SHC2: variants seen among roughly 807,000 people sequenced by gnomAD.
SHC2 encodes the protein SHC adaptor protein 2, also known as SHC-transforming protein 2.
Under a neutral mutation model 60.6 loss-of-function variants are expected in SHC2, and 62 were observed. The ratio of observed to expected loss-of-function variants is 1.02; its 90% CI spans 0.83 to 1.26. The LOEUF (loss-of-function observed/expected upper bound fraction) is 1.26, where lower values mean the gene tolerates loss of function less well. SHC2 is among the 50% of genes most tolerant of loss of function. The probability of loss-of-function intolerance (pLI) is 0.00; values close to 1 mark genes in which losing one functional copy is unlikely to be tolerated. For missense variants in SHC2, 873 were observed against 822.2 expected (o/e 1.06, Z -0.76); for synonymous variants, 375 against 372.4 (o/e 1.01, Z -0.08).
intron 9 of SHC2, among the ~76,000 whole-genome samples, chr19:426,943 TAGG>T (rs1974431214): frequency 1.3e-5 from 2 of 151,736 alleles, no homozygotes; most frequent in Admixed American, 6.6e-5. Context: ...GGCACATTTG[TAGG>T]AGTTCTTGGC....
At chr19:423,745 C>A (rs907850619) in intron 10 of SHC2, among the ~76,000 whole-genome samples, 1 of 152,254 alleles carries the variant, frequency 6.6e-6, no homozygotes, top group Non-Finnish European at 1.5e-5. Flanking sequence ...TTCACCTCCC[C>A]CTCCCAGCCA....
Position 453,732 on chromosome 19 carries a change from G to A in SHC2, c.468+6797C>T, listed in dbSNP as rs964811244. Among the ~76,000 whole-genome samples the A allele has an allele frequency of 9.9e-5, 15 of 152,276 alleles. No individual in the cohort carries two copies. In the East Asian group the frequency reaches 1.5e-3, roughly 16 times the overall value. The stretch of plus-strand genomic sequence containing the variant: ...GCACCTCCCAGCTTAAGGGACCCGC[G>A]ATGCAGGAAGGATGAAGTGTCATTT... On this transcript the variant is annotated intron_variant, in intron 1 of 12. Transcript: ENST00000264554. The surrounding 1 kb of genome is among the most constrained non-coding windows in gnomAD (Gnocchi z 6.3).
In SHC2 at chr19:422,048, TGTGCCC is replaced by T. The variant is rs1194438348; in HGVS notation, c.1620+92_1620+97del. 1.5e-4 allele frequency: 77 copies of T among 505,912 alleles called. No homozygotes were observed. Among genetic ancestry groups the T allele is most frequent in the Non-Finnish European group, 2.8e-5 (12 of 434,820 alleles). 31.3% of individuals were successfully genotyped at this position (505,912 alleles called of 1,614,324 possible). A position where few individuals can be genotyped will look rare whatever the true frequency, so the allele number is the denominator to read the frequency against. ...TCGAGACCCTTGAGACCCTCCCACC[TGTGCCC>T]AGCGAAGCCCCTGGATGCCCCGAGA... On this transcript the variant is annotated intron_variant, in intron 11 of 12. Coordinates refer to ENST00000264554, the MANE Select transcript of SHC2 (RefSeq NM_012435.3). The surrounding 1 kb of genome is among the most constrained non-coding windows in gnomAD (Gnocchi z 5.0).
At chr19:423,926 A>T (rs1862075487) in intron 10 of SHC2, among the ~76,000 whole-genome samples, 1 of 152,138 alleles carries the variant, frequency 6.6e-6, no homozygotes, top group South Asian at 2.1e-4. Flanking sequence ...CTCCTTTCCC[A>T]TCTGAGGGCT....
rs1975047080 is a variant in SHC2, at chr19:446,193, C to T, written c.469-5261G>A. On this transcript the variant is annotated intron_variant, in intron 1 of 12. Transcript: ENST00000264554. This position sits in a 1 kb window ranked among gnomAD's most constrained non-coding sequence, Gnocchi z 5.4. The stretch of plus-strand genomic sequence containing the variant: ...GGGAGAGAGGCCTGGGACAGAGCCT[C>T]CCTCAGAGCCTCCAGCAGAAACCAG... Among the ~76,000 whole-genome samples, 3 of 152,172 alleles carry T rather than the reference C, an allele frequency of 2.0e-5. No individual in the cohort carries two copies. In the South Asian group the frequency reaches 6.2e-4, roughly 32 times the overall value.
intron 11 of SHC2, chr19:419,344 A>G (rs1218528152): frequency 1.1e-5 from 4 of 375,012 alleles, no homozygotes; most frequent in African/African-American, 8.2e-5. Flanking sequence ...GAGCCTGTGA[A>G]CGTGACCTCA....
intron 1 of SHC2, among the ~76,000 whole-genome samples, chr19:457,626 T>G (rs1022716102): frequency 3.3e-5 from 5 of 152,282 alleles, no homozygotes; most frequent in Admixed American, 2.6e-4. Context: ...TCATCATCTG[T>G]GCCGGGCAGG....
At chr19:417,568 C>T (rs896078020) in intron 12 of SHC2, among the ~76,000 whole-genome samples, 8 of 152,252 alleles carry the variant, frequency 5.3e-5, no homozygotes, top group Admixed American at 5.2e-4. Context: ...GAATGCCGAT[C>T]CCAGTGCCTG....
At position 418,998 on chromosome 19, in the gene SHC2, T is replaced by A. The variant is rs932718357; in HGVS notation, c.1679A>T (p.Gln560Leu). Residue 560 changes from glutamine to leucine, a missense_variant, in exon 12 of 13, where the codon CAG becomes CTG. By Grantham distance (113) the Gln-to-Leu change is moderately radical. Transcript: ENST00000264554. The stretch of plus-strand genomic sequence containing the variant: ...GGCGGCCACGATGGGCTGCCCGTTC[T>A]GCAGGTGGTGGTCGATCAGGTGGCT... ...SISHLIDHHLQNGQPIVAAES... is the reference protein window; with the variant it reads ...SISHLIDHHLLNGQPIVAAES... 8.8e-6 allele frequency: 14 copies of A among 1,587,062 alleles called. No individual in the cohort carries two copies. The highest frequency in any genetic ancestry group is 7.7e-6 in the Non-Finnish European group (9 of 1,167,326).
chr19:421,103 G>A (rs1157338429), intron 11 of SHC2, among the ~76,000 whole-genome samples: 3 of 139,958 alleles, frequency 2.1e-5, no homozygotes, highest in African/African-American at 8.0e-5. Context: ...AGAGAGAAAA[G>A]AGTAAGAAAG....
At chr19:421,801 T>G (rs1974278211) in intron 11 of SHC2, among the ~76,000 whole-genome samples, 1 of 152,052 alleles carries the variant, frequency 6.6e-6, no homozygotes, top group South Asian at 2.1e-4. Flanking sequence ...TCCCAGCTAC[T>G]CAGGAGGCTG....
chr19:434,526 T>G (rs376509280), intron 8 of SHC2, among the ~76,000 whole-genome samples, 183 bp downstream of exon 8: 3 of 2,024 alleles, frequency 1.5e-3, no homozygotes, highest in Admixed American at 5.1e-3. Flanking sequence ...GCCTGTGAGA[T>G]TGTGAGTGAG....
chr19:443,731 T>TGGGTGGATGGA (rs1974974775), intron 1 of SHC2, among the ~76,000 whole-genome samples: 1 of 146,264 alleles, frequency 6.8e-6, no homozygotes, highest in African/African-American at 2.6e-5. Context: ...AGTGGATGGG[T>TGGGTGGATGGA]GGGTGGATGG....
intron 1 of SHC2, among the ~76,000 whole-genome samples, chr19:448,154 T>C (rs1435576282): frequency 6.6e-6 from 1 of 152,216 alleles, no homozygotes; most frequent in Non-Finnish European, 1.5e-5. Flanking sequence ...CCCGCAGATC[T>C]TCCTCATTAT....
chr19:460,944 TCGGGGGGCG>T lies in SHC2; in HGVS notation c.44_52del (p.Ala15_Pro17del), dbSNP rs921418576. ...GCAGAAGGTGGTGGGCGCCTCGGGC[TCGGGGGGCG>T]CGGGGGGCGCCGGGGGCGCGCGCCC... On this transcript the variant is annotated inframe_deletion, in exon 1 of 13. Coordinates refer to ENST00000264554, the MANE Select transcript of SHC2 (RefSeq NM_012435.3). 881 of 984,624 alleles carry T rather than the reference TCGGGGGGCG, an allele frequency of 8.9e-4. No individual in the cohort carries two copies. The highest frequency in any genetic ancestry group is 4.8e-3 in the African/African-American group (270 of 56,328). The allele number at this position is 984,624 out of a possible 1,614,324, so 61.0% of individuals were successfully genotyped here. A position where few individuals can be genotyped will look rare whatever the true frequency, so the allele number is the denominator to read the frequency against.
intron 11 of SHC2, among the ~76,000 whole-genome samples, chr19:420,638 G>A (rs151207658): frequency 8.5e-5 from 13 of 152,322 alleles, no homozygotes; most frequent in East Asian, 1.9e-4. Context: ...GGAGGAGAGA[G>A]AAGAGAAAAA....
At chr19:420,147 G>C (rs1974234612) in intron 11 of SHC2, among the ~76,000 whole-genome samples, 1 of 152,232 alleles carries the variant, frequency 6.6e-6, no homozygotes, top group Admixed American at 6.5e-5. Flanking sequence ...CCATTTAACA[G>C]AGAAAATCTG....
At chr19:436,576 C>A in intron 5 of SHC2, 54 bp downstream of exon 5, 1 of 1,589,226 alleles carries the variant, frequency 6.3e-7, no homozygotes, top group East Asian at 2.3e-5. Context: ...GAGAGGGTCT[C>A]GCGGCCGGAG....
intron 1 of SHC2, 98 bp downstream of exon 1, chr19:460,431 G>A: frequency 2.1e-6 from 1 of 470,528 alleles, no homozygotes; most frequent in Non-Finnish European, 3.2e-6. Flanking sequence ...GGATGGGGAG[G>A]GGACACCTGG....
Sources: allele counts gnomAD v4.1 joint callset (sites outside exome capture counted in the v4.1 genomes callset), GRCh38; gene constraint gnomAD v4.1.1; non-coding constraint Gnocchi (gnomAD v3.1); transcripts MANE v1.5; gene names NCBI Gene and HGNC (gene_info 2026-07-23, HGNC 2026-07-21).